The following MOB3B variants were observed in gnomAD, a reference collection of about 807,000 sequenced individuals.
The protein encoded by MOB3B is MOB kinase activator-like 2B.
Under a neutral mutation model 18.7 loss-of-function variants are expected in MOB3B, and 7 were observed. That is an observed-to-expected ratio of 0.37 (90% CI 0.21 to 0.70). MOB3B has a LOEUF of 0.70. Among genes scored for constraint, MOB3B ranks in the 30% least tolerant of loss-of-function variants. The pLI, the probability that MOB3B is intolerant of heterozygous loss-of-function variation, is 0.52. For missense variants in MOB3B, 253 were observed against 281.3 expected, an observed-to-expected ratio of 0.90 and a Z score of 0.72; for synonymous variants, 111 against 99.9, an observed-to-expected ratio of 1.11 and a Z score of -0.66.
At chr9:27,462,160 G>C (rs184004048) in intron 1 of MOB3B, among the ~76,000 whole-genome samples, 37 of 152,168 alleles carry the variant, frequency 2.4e-4, no homozygotes, top group African/African-American at 8.4e-4. Context: ...AAGCTCAGAT[G>C]ACCTATTTAA....
intron 2 of MOB3B, among the ~76,000 whole-genome samples, chr9:27,376,108 A>G (rs1821486809): frequency 6.6e-6 from 1 of 152,196 alleles, no homozygotes; most frequent in African/African-American, 2.4e-5. Flanking sequence ...GAGTCATACT[A>G]AATATTCAGT....
intron 3 of MOB3B, among the ~76,000 whole-genome samples, chr9:27,347,183 G>A (rs1232072480): frequency 6.6e-6 from 1 of 152,210 alleles, no homozygotes; most frequent in Admixed American, 6.5e-5. Flanking sequence ...TTACATACAT[G>A]CCATTCACGA....
chr9:27,448,651 T>C (rs532302259), intron 2 of MOB3B, among the ~76,000 whole-genome samples: 3 of 152,304 alleles, frequency 2.0e-5, no homozygotes, highest in African/African-American at 7.2e-5. Context: ...AGATGAGATT[T>C]GGGGTGGGAC....
At chr9:27,507,707 G>A (rs528337483) in intron 1 of MOB3B, among the ~76,000 whole-genome samples, 3 of 152,310 alleles carry the variant, frequency 2.0e-5, no homozygotes, top group East Asian at 3.9e-4. Flanking sequence ...TGGCTAAGTC[G>A]AAAGAATCTC....
At chr9:27,470,186 T>C (rs1819451244) in intron 1 of MOB3B, among the ~76,000 whole-genome samples, 1 of 151,710 alleles carries the variant, frequency 6.6e-6, no homozygotes, top group African/African-American at 2.4e-5. Flanking sequence ...GATGTAGATA[T>C]AGATATTATT....
At chr9:27,465,232 G>A (rs1819361430) in intron 1 of MOB3B, among the ~76,000 whole-genome samples, 1 of 152,166 alleles carries the variant, frequency 6.6e-6, no homozygotes, top group South Asian at 2.1e-4. Context: ...GTTCCAAATG[G>A]GAGAAATTGG....
At chr9:27,334,108 G>A (rs1820829590) in intron 3 of MOB3B, among the ~76,000 whole-genome samples, 1 of 152,136 alleles carries the variant, frequency 6.6e-6, no homozygotes, top group Admixed American at 6.5e-5. Context: ...CTGAATCTGA[G>A]AAGAACATTA....
chr9:27,424,416 A>G (rs1822298077), intron 2 of MOB3B, among the ~76,000 whole-genome samples: 1 of 152,254 alleles, frequency 6.6e-6, no homozygotes, highest in African/African-American at 2.4e-5. Flanking sequence ...ACACAGGAAC[A>G]GGGCAGGTCC....
In MOB3B at chr9:27,454,364, T is replaced by C. The variant is rs541513461; in HGVS notation, c.418+769A>G. ...GGTGGCAGGGCATTATGTTAGGCACTGGAGCTACAACAGTGGACATAGGAG... is the reference window on the plus strand; with the variant it reads ...GGTGGCAGGGCATTATGTTAGGCACCGGAGCTACAACAGTGGACATAGGAG... On this transcript the variant is annotated intron_variant, in intron 2 of 3. Transcript: ENST00000262244. Among the ~76,000 whole-genome samples, 148 of 152,366 alleles carry C rather than the reference T, an allele frequency of 9.7e-4. 1 individual carries two copies. Among genetic ancestry groups the C allele is most frequent in the African/African-American group, 3.5e-3 (145 of 41,588 alleles).
chr9:27,429,427 A>C (rs1330586528), intron 2 of MOB3B, among the ~76,000 whole-genome samples: 1 of 152,242 alleles, frequency 6.6e-6, no homozygotes, highest in African/African-American at 2.4e-5. Flanking sequence ...AAGTCATAGA[A>C]AGGAAAAGAA....
intron 3 of MOB3B, among the ~76,000 whole-genome samples, chr9:27,350,758 T>C (rs1330785260): frequency 6.6e-6 from 1 of 152,170 alleles, no homozygotes. Flanking sequence ...GCCTTTGCAT[T>C]ATCCTGAACA....
intron 1 of MOB3B, among the ~76,000 whole-genome samples, chr9:27,495,152 G>C (rs1224630813): frequency 6.6e-6 from 1 of 151,928 alleles, no homozygotes; most frequent in Non-Finnish European, 1.5e-5. Flanking sequence ...AACCTGGTGA[G>C]ACCTTGTCTC....
chr9:27,384,944 C>G (rs1394128048), intron 2 of MOB3B, among the ~76,000 whole-genome samples: 1 of 152,200 alleles, frequency 6.6e-6, no homozygotes, highest in Admixed American at 6.5e-5. Context: ...TGGGTCATGT[C>G]TCTCACAATA....
intron 2 of MOB3B, among the ~76,000 whole-genome samples, chr9:27,361,161 A>G (rs1302400989): frequency 1.3e-5 from 2 of 152,318 alleles, no homozygotes; most frequent in Middle Eastern, 3.4e-3. Context: ...TCTGTGGAAT[A>G]GGTTTTATTA....
intron 2 of MOB3B, among the ~76,000 whole-genome samples, chr9:27,395,454 TA>T (rs34138321): frequency 3.6e-4 from 54 of 150,782 alleles, no homozygotes; most frequent in East Asian, 2.1e-3. Flanking sequence ...ATAGATTTTT[TA>T]AAAAAAAAAA....
intron 1 of MOB3B, among the ~76,000 whole-genome samples, chr9:27,458,516 T>C (rs369660798): frequency 1.5e-5 from 2 of 131,212 alleles, no homozygotes; most frequent in Non-Finnish European, 1.6e-5. Context: ...TTTGAAGATA[T>C]GTTTTTTTTT....
At chr9:27,390,164 G>A (rs1017854122) in intron 2 of MOB3B, among the ~76,000 whole-genome samples, 3 of 151,974 alleles carry the variant, frequency 2.0e-5, no homozygotes, top group Non-Finnish European at 2.9e-5. Flanking sequence ...AGCAACCTCC[G>A]CCTACCTCCG....
At chr9:27,389,214 C>T (rs193244615) in intron 2 of MOB3B, among the ~76,000 whole-genome samples, 170 of 152,210 alleles carry the variant, frequency 1.1e-3, no homozygotes, top group African/African-American at 3.9e-3. Flanking sequence ...CAGGCTCCAC[C>T]CCAAACTTAC....
At chr9:27,505,915 G>GA (rs1287597525) in intron 1 of MOB3B, among the ~76,000 whole-genome samples, 1 of 152,110 alleles carries the variant, frequency 6.6e-6, no homozygotes, top group African/African-American at 2.4e-5. Flanking sequence ...AAACTAAGGG[G>GA]AAAAAAATGA....
Sources: allele counts gnomAD v4.1 joint callset (sites outside exome capture counted in the v4.1 genomes callset), GRCh38; gene constraint gnomAD v4.1.1; transcripts MANE v1.5; gene names NCBI Gene and HGNC (gene_info 2026-07-23, HGNC 2026-07-21).